PTPRS: variants seen among roughly 807,000 people sequenced by gnomAD.
The protein encoded by PTPRS is receptor-type tyrosine-protein phosphatase S.
PTPRS carries 63 observed loss-of-function variants against 215.3 expected under a neutral mutation model. The ratio of observed to expected loss-of-function variants is 0.29; its 90% CI spans 0.24 to 0.36. The LOEUF (loss-of-function observed/expected upper bound fraction) is 0.36, where lower values mean the gene tolerates loss of function less well. Ranked by LOEUF, PTPRS falls within the 10% of genes least tolerant of loss-of-function variation. The probability of loss-of-function intolerance (pLI) is 1.00; values close to 1 mark genes in which losing one functional copy is unlikely to be tolerated. For missense variants in PTPRS, 2,258 were observed against 2,825.8 expected (o/e 0.80, Z 4.56); for synonymous variants, 1,404 against 1,191.4 (o/e 1.18, Z -3.68).
At chr19:5,301,740 A>G (rs1280338821) in intron 1 of PTPRS, among the ~76,000 whole-genome samples, 1 of 151,008 alleles carries the variant, frequency 6.6e-6, no homozygotes, top group Non-Finnish European at 1.5e-5. Context: ...TCTCCCCCCA[A>G]TCCTCCCCTC....
chr19:5,242,848 T>C (rs1288111000), intron 11 of PTPRS, among the ~76,000 whole-genome samples: 3 of 151,784 alleles, frequency 2.0e-5, no homozygotes, highest in East Asian at 3.9e-4. Context: ...GTGTGCACCA[T>C]CACGCCTAGC....
rs377152398 is a variant in PTPRS at position 5,211,737 on chromosome 19, C to T, written c.5087G>A (p.Arg1696His). ...ACAAGGCAGATTGGCACTGATGAAGCGTGACGTGTGGGCCTTGGAGTTAGC... is the reference window on the plus strand; with the variant it reads ...ACAAGGCAGATTGGCACTGATGAAGTGTGACGTGTGGGCCTTGGAGTTAGC... ...RLANSKAHTS[R>H]FISANLPCNK... Residue 1696 changes from arginine (R) to histidine (H), a missense_variant, in exon 33 of 38, where the codon CGC (arginine) becomes CAC (histidine). Arg to His is a conservative substitution (Grantham distance 29). This residue lies in a region of PTPRS where 927 missense variants were observed against 1,125.9 expected (regional missense o/e 0.82). Transcript: ENST00000262963. 9.3e-6 allele frequency: 15 copies of T among 1,613,840 alleles called. No homozygotes were observed. Among genetic ancestry groups the T allele is most frequent in the African/African-American group, 1.3e-5 (1 of 74,910 alleles).
intron 1 of PTPRS, among the ~76,000 whole-genome samples, chr19:5,322,079 C>T (rs368909759): frequency 1.3e-5 from 2 of 152,214 alleles, no homozygotes; most frequent in African/African-American, 4.8e-5. Context: ...GGTCACACAG[C>T]CGGCAAGAGG....
chr19:5,218,380 CCT>C (rs1295120713), intron 25 of PTPRS, 38 bp downstream of exon 25: 34 of 1,570,750 alleles, frequency 2.2e-5, no homozygotes, highest in Non-Finnish European at 2.8e-5. Context: ...AGCTATCTCC[CCT>C]GTTGGTGGCA....
chr19:5,256,834 G>A (rs1023683253), intron 8 of PTPRS, among the ~76,000 whole-genome samples: 2 of 151,994 alleles, frequency 1.3e-5, no homozygotes, highest in Non-Finnish European at 2.9e-5. Flanking sequence ...AGGGCCAGCG[G>A]GTGCTGTGGA....
chr19:5,248,427 A>G (rs1376076624), intron 9 of PTPRS, among the ~76,000 whole-genome samples: 1 of 150,838 alleles, frequency 6.6e-6, no homozygotes, highest in Non-Finnish European at 1.5e-5. Flanking sequence ...GGGGCTGAAA[A>G]TCGGGGTCTG....
intron 1 of PTPRS, among the ~76,000 whole-genome samples, chr19:5,290,021 C>G (rs958450266): frequency 2.6e-5 from 4 of 152,234 alleles, no homozygotes; most frequent in African/African-American, 9.6e-5. Context: ...CTGCAAGCTC[C>G]CAGTAAATGA....
rs149874116 is a variant in PTPRS at position 5,280,141 on chromosome 19, G to A, written c.92-5797C>T. Among the ~76,000 whole-genome samples the A allele has an allele frequency of 2.7e-3, 414 of 152,320 alleles. 1 individual carries two copies. Among genetic ancestry groups the A allele is most frequent in the Non-Finnish European group, 4.7e-3 (321 of 68,030 alleles). ...CAACGCTAGGACTTTGAGCCTCTAC[G>A]ACCAGCTAGAAAAGGGTAGAGTGAG... On this transcript the variant is annotated intron_variant, in intron 2 of 37. Transcript: ENST00000262963.
rs143850087 is a variant in PTPRS, at chr19:5,244,069, G to C, written c.1402C>G (p.Pro468Ala). 5.6e-6 allele frequency: 9 copies of C among 1,610,690 alleles called. No homozygotes were observed. The highest frequency in any genetic ancestry group is 7.6e-6 in the Non-Finnish European group (9 of 1,179,900). ...RGYRVYYTME[P>A]EHPVGNWQKH... is the part of the protein sequence containing the mutation. ...TGCCAGTTGCCCACGGGGTGCTCCG[G>C]TTCCATGGTGTAGTAGACGCGGTAG... Residue 468 changes from proline (P) to alanine (A), a missense_variant, in exon 11 of 38, where the codon CCG becomes GCG. Pro to Ala is a conservative substitution (Grantham distance 27, BLOSUM62 -1). Around this residue, in one of 6 missense-constraint regions of PTPRS, gnomAD observed 508 missense variants for 799.4 expected, o/e 0.64. Transcript: ENST00000262963. This position sits in a 1 kb window ranked among gnomAD's most constrained non-coding sequence, Gnocchi z 7.2.
At chr19:5,215,719 G>C (rs1201386981) in intron 26 of PTPRS, 124 bp from the exon 27 acceptor site, 2 of 714,968 alleles carry the variant, frequency 2.8e-6, no homozygotes, top group Non-Finnish European at 4.6e-6. Context: ...GGCATGGCCG[G>C]GGTGGGGCTT....
chr19:5,272,714 T>A (rs576113316), intron 4 of PTPRS, among the ~76,000 whole-genome samples: 1 of 150,336 alleles, frequency 6.7e-6, no homozygotes, highest in Non-Finnish European at 1.5e-5. Context: ...CAGCAGTTTC[T>A]GCCTACCTAG....
chr19:5,250,203 A>C (rs113491665), intron 9 of PTPRS, among the ~76,000 whole-genome samples: 9 of 152,154 alleles, frequency 5.9e-5, no homozygotes, highest in Non-Finnish European at 1.2e-4. Flanking sequence ...CATTTGTTTC[A>C]AAGGGTGTGC....
intron 1 of PTPRS, among the ~76,000 whole-genome samples, chr19:5,330,365 G>A (rs2050285011): frequency 6.6e-6 from 1 of 152,234 alleles, no homozygotes; most frequent in Admixed American, 6.5e-5. Context: ...CAGTTCTGAG[G>A]AGGAAATGAG....
At chr19:5,319,929 T>C (rs779315072) in intron 1 of PTPRS, among the ~76,000 whole-genome samples, 44 of 152,028 alleles carry the variant, frequency 2.9e-4, no homozygotes, top group Non-Finnish European at 8.8e-5. Flanking sequence ...ACCCCTGACG[T>C]GCTATATATC....
chr19:5,284,025 G>C (rs557669550), intron 2 of PTPRS, among the ~76,000 whole-genome samples: 21 of 151,648 alleles, frequency 1.4e-4, no homozygotes, highest in Non-Finnish European at 2.6e-4. Flanking sequence ...GACCAGTCCG[G>C]GCAACACAGT....
At chr19:5,334,886 A>T (rs1022188485) in intron 1 of PTPRS, among the ~76,000 whole-genome samples, 1 of 152,166 alleles carries the variant, frequency 6.6e-6, no homozygotes. Context: ...GGAGACAAGG[A>T]TGCTACTGAC....
At chr19:5,316,028 C>T (rs921020604) in intron 1 of PTPRS, among the ~76,000 whole-genome samples, 4 of 152,074 alleles carry the variant, frequency 2.6e-5, no homozygotes, top group Admixed American at 1.3e-4. Flanking sequence ...GCGATCCCTC[C>T]CACCTCAGCC....
At chr19:5,250,814 G>T (rs1477872789) in intron 9 of PTPRS, among the ~76,000 whole-genome samples, 2 of 151,804 alleles carry the variant, frequency 1.3e-5, no homozygotes, top group African/African-American at 2.4e-5. Flanking sequence ...GGTTGGGAGT[G>T]GGGGCGAGGG....
intron 1 of PTPRS, among the ~76,000 whole-genome samples, chr19:5,305,088 C>T (rs1450416299): frequency 6.6e-6 from 1 of 152,142 alleles, no homozygotes; most frequent in Non-Finnish European, 1.5e-5. Flanking sequence ...TTAGGATCTA[C>T]ACCCAACCCC....
Sources: gnomAD v4.1 joint callset for allele counts (sites outside exome capture counted in the v4.1 genomes callset) on GRCh38, gnomAD v4.1.1 for gene constraint, gnomAD v4.1.1 regional missense constraint, Gnocchi (gnomAD v3.1) non-coding constraint, MANE v1.5 for transcripts, NCBI Gene and HGNC (gene_info 2026-07-23, HGNC 2026-07-21) for gene names.